ASCC3: variants seen among roughly 807,000 people sequenced by gnomAD.
The protein encoded by ASCC3 is activating signal cointegrator 1 complex subunit 3.
Under a neutral mutation model 256.3 loss-of-function variants are expected in ASCC3, and 158 were observed. That is an observed-to-expected ratio of 0.62 (90% CI 0.54 to 0.70). ASCC3 has a LOEUF of 0.70. Ranked by LOEUF, ASCC3 falls within the 30% of genes least tolerant of loss-of-function variation. The pLI is 0.00. For missense variants in ASCC3, 2,259 were observed against 2,626.0 expected, an observed-to-expected ratio of 0.86 and a Z score of 3.05; for synonymous variants, 948 against 883.4, an observed-to-expected ratio of 1.07 and a Z score of -1.30.
intron 36 of ASCC3, among the ~76,000 whole-genome samples, chr6:100,579,061 G>C (rs1267169542): frequency 6.6e-6 from 1 of 151,878 alleles, no homozygotes; most frequent in Non-Finnish European, 1.5e-5. Context: ...GTTTTGGTTT[G>C]CATTTTTCTA....
chr6:100,647,453 T>TA lies in ASCC3; in HGVS notation c.3253-3dup. 3.1e-6 allele frequency: 5 copies of TA among 1,611,702 alleles called. No individual in the cohort carries two copies. The highest frequency in any genetic ancestry group is 3.4e-6 in the Non-Finnish European group (4 of 1,177,842). On this transcript the variant is annotated splice_polypyrimidine_tract_variant and splice_region_variant and intron_variant, in intron 20 of 41. Transcript: ENST00000369162. ...AGCACGGACAATTCTAGCTGCATTCTAAAAAATTATAGGAGGAGATTGGTG... is the reference window on the plus strand; with the variant it reads ...AGCACGGACAATTCTAGCTGCATTCTAAAAAAATTATAGGAGGAGATTGGTG...
intron 37 of ASCC3, among the ~76,000 whole-genome samples, chr6:100,536,530 G>A (rs1170822387): frequency 6.6e-6 from 1 of 152,138 alleles, no homozygotes; most frequent in Non-Finnish European, 1.5e-5. Flanking sequence ...CACCCGGGCT[G>A]GAGCACAGTG....
At chr6:100,766,752 G>A (rs778657239) in intron 9 of ASCC3, 47 bp from the exon 10 acceptor site, 40 of 1,610,206 alleles carry the variant, frequency 2.5e-5, no homozygotes, top group African/African-American at 4.0e-5. Context: ...AAACTACCAT[G>A]TCATTTGTCT....
chr6:100,779,229 T>C (rs893716104), intron 8 of ASCC3, among the ~76,000 whole-genome samples: 9 of 152,092 alleles, frequency 5.9e-5, no homozygotes, highest in Admixed American at 6.5e-5. Flanking sequence ...AAAAATCCTA[T>C]ATACATTAAG....
At chr6:100,510,286 T>C in intron 40 of ASCC3, 179 bp from the exon 41 acceptor site, 1 of 645,716 alleles carries the variant, frequency 1.5e-6, no homozygotes, top group Non-Finnish European at 2.7e-6. Flanking sequence ...ATGCAATTAT[T>C]TAACTTACTT....
intron 4 of ASCC3, among the ~76,000 whole-genome samples, chr6:100,840,247 AG>A (rs1772072621): frequency 6.6e-6 from 1 of 152,224 alleles, no homozygotes; most frequent in African/African-American, 2.4e-5. Flanking sequence ...AAAACCAGTG[AG>A]TACTTTTGTA....
chr6:100,867,799 G>A (rs565567883), intron 2 of ASCC3, 109 bp downstream of exon 2: 1 of 973,944 alleles, frequency 1.0e-6, no homozygotes, highest in Non-Finnish European at 1.6e-6. Flanking sequence ...CACCAAACAA[G>A]ATAAAACTTC....
At chr6:100,757,087 G>C (rs930110457) in intron 10 of ASCC3, among the ~76,000 whole-genome samples, 1 of 152,074 alleles carries the variant, frequency 6.6e-6, no homozygotes, top group Non-Finnish European at 1.5e-5. Flanking sequence ...TAATGAAAGA[G>C]TCCAATTTCA....
chr6:100,727,886 T>C (rs919477123), intron 10 of ASCC3, among the ~76,000 whole-genome samples: 1 of 152,084 alleles, frequency 6.6e-6, no homozygotes, highest in Non-Finnish European at 1.5e-5. Context: ...GAAAAAAATT[T>C]TCTATACCTG....
Position 100,837,506 on chromosome 6 carries a change from T to C in ASCC3, c.801+10642A>G, listed in dbSNP as rs550637880. 1.1e-4 allele frequency among the ~76,000 whole-genome samples: 17 copies of C among 152,140 alleles called. No homozygotes were observed. The East Asian group carries it at 2.9e-3, about 26-fold the overall frequency. On this transcript the variant is annotated intron_variant, in intron 4 of 41. Transcript: ENST00000369162. ...ACCTAAGCATCCATCAACAGATGAA[T>C]AGATAAATATATAGTATATACACAA...
chr6:100,649,101 T>G (rs1470394479), intron 20 of ASCC3, among the ~76,000 whole-genome samples: 1 of 151,820 alleles, frequency 6.6e-6, no homozygotes. Context: ...TCTGATGCAT[T>G]CAGGGATGCT....
intron 3 of ASCC3, chr6:100,859,200 C>G (rs771137828): frequency 1.3e-6 from 1 of 779,948 alleles, no homozygotes. Flanking sequence ...GGACAATTCA[C>G]TTCTAGGAAA....
At chr6:100,516,397 T>G in intron 38 of ASCC3, 70 bp from the exon 39 acceptor site, 1 of 1,562,938 alleles carries the variant, frequency 6.4e-7, no homozygotes, top group Non-Finnish European at 8.8e-7. Flanking sequence ...ACAATGGTGG[T>G]TTATATAATT....
At chr6:100,857,949 C>T (rs141981620) in intron 3 of ASCC3, 1 of 152,356 alleles carries the variant, frequency 6.6e-6, no homozygotes, top group East Asian at 1.9e-4. Flanking sequence ...ATCTACAGAT[C>T]AATTTGGGTA....
Position 100,516,244 on chromosome 6 carries a change from C to T in ASCC3, c.6011G>A (p.Gly2004Glu), listed in dbSNP as rs1271052604. 1.2e-6 allele frequency: 2 copies of T among 1,613,756 alleles called. No homozygotes were observed. The highest frequency in any genetic ancestry group is 1.7e-6 in the Non-Finnish European group (2 of 1,179,740). ...GGAGCTAAATACATGGTCTTTCCCT[C>T]CACAGGCATGGATCAGTTCAGGAAG... ...ESLPELIHAC[G>E]GKDHVFSSMV... The change falls in exon 39 of 42, where the codon GGA (glycine) becomes GAA (glutamate). Residue 2004 changes from glycine (G) to glutamate (E), a missense_variant. By Grantham distance (98) the Gly-to-Glu change is moderately conservative (BLOSUM62 -2). This residue lies in a region of ASCC3 where 1,839 missense variants were observed against 2,206.7 expected (regional missense o/e 0.83). Transcript: ENST00000369162.
chr6:100,591,289 T>C (rs1359168373), intron 34 of ASCC3, among the ~76,000 whole-genome samples: 1 of 152,076 alleles, frequency 6.6e-6, no homozygotes, highest in African/African-American at 2.4e-5. Flanking sequence ...GTTAGAATAA[T>C]GTCTTCTGCT....
intron 25 of ASCC3, among the ~76,000 whole-genome samples, chr6:100,635,076 G>A (rs564684987): frequency 6.6e-6 from 1 of 152,072 alleles, no homozygotes; most frequent in South Asian, 2.1e-4. Flanking sequence ...AATGAGATCA[G>A]TATCTTAAAG....
chr6:100,596,268 A>C (rs911679255), intron 34 of ASCC3, among the ~76,000 whole-genome samples: 1 of 152,204 alleles, frequency 6.6e-6, no homozygotes, highest in African/African-American at 2.4e-5. Flanking sequence ...TTCAAAACAA[A>C]TCTTCCATTA....
chr6:100,642,003 C>G (rs151638), intron 24 of ASCC3, among the ~76,000 whole-genome samples: 4,277 of 138,700 alleles, frequency 0.031, 71 homozygotes, highest in African/African-American at 0.056. Flanking sequence ...TCACACACCG[C>G]GGCCTGTTGC....
Sources: gnomAD v4.1 joint callset for allele counts (sites outside exome capture counted in the v4.1 genomes callset) on GRCh38, gnomAD v4.1.1 for gene constraint, gnomAD v4.1.1 regional missense constraint, MANE v1.5 for transcripts, NCBI Gene and HGNC (gene_info 2026-07-23, HGNC 2026-07-21) for gene names.